Variants in STS observed in about 807,000 individuals in gnomAD.
STS encodes the protein steroid sulfatase.
Under a neutral mutation model 26.8 loss-of-function variants are expected in STS, and 7 were observed. That is an observed-to-expected ratio of 0.26 (90% confidence interval 0.15 to 0.49). The LOEUF (loss-of-function observed/expected upper bound fraction) is 0.49, where lower values mean the gene tolerates loss of function less well. Among genes scored for constraint, STS ranks in the 20% least tolerant of loss-of-function variants. The probability of loss-of-function intolerance (pLI) is 0.98; values close to 1 mark genes in which losing one functional copy is unlikely to be tolerated. For synonymous variants in STS, 199 were observed against 189.4 expected, an observed-to-expected ratio of 1.05 and a Z score of -0.42; for missense variants, 434 against 465.6, an observed-to-expected ratio of 0.93 and a Z score of 0.63.
intron 7 of STS, among the ~76,000 whole-genome samples, chrX:7,283,295 C>T (rs1373489238): frequency 9.0e-6 from 1 of 111,641 alleles, no homozygotes; most frequent in Non-Finnish European, 1.9e-5. Flanking sequence ...ACCAAAAGAA[C>T]AGCCAAAAAC....
intron 2 of STS, among the ~76,000 whole-genome samples, chrX:7,197,552 T>C (rs1300735860): frequency 8.9e-6 from 1 of 112,000 alleles, no homozygotes; most frequent in East Asian, 2.8e-4. Context: ...GATCATGGGG[T>C]GATGTGCTCT....
intron 10 of STS, among the ~76,000 whole-genome samples, chrX:7,335,289 T>C (rs1927961037): frequency 8.9e-6 from 1 of 112,564 alleles, no homozygotes; most frequent in Admixed American, 9.4e-5. Flanking sequence ...GACTTTTTAA[T>C]GATTGCCATT....
intron 1 of STS, among the ~76,000 whole-genome samples, chrX:7,156,853 C>T (rs1340856023): frequency 8.9e-6 from 1 of 111,959 alleles, no homozygotes; most frequent in Non-Finnish European, 1.9e-5. Context: ...ATGTAACACA[C>T]ATAGGAGGAA....
chrX:7,160,783 C>T (rs1933225071), intron 1 of STS, among the ~76,000 whole-genome samples: 1 of 111,415 alleles, frequency 9.0e-6, no homozygotes, highest in Non-Finnish European at 1.9e-5. Context: ...CACTCTTTTT[C>T]ATTTTAAATA....
In STS at chrX:7,353,729, G is replaced by C. The variant is rs978257891; in HGVS notation, c.*3468G>C. 1 of 111,352 alleles carries C rather than the reference G, an allele frequency of 9.0e-6. No individual in the cohort carries two copies. Among genetic ancestry groups the C allele is most frequent in the Non-Finnish European group, 1.9e-5 (1 of 53,105 alleles). 9.2% of individuals were successfully genotyped at this position (111,352 alleles called of 1,213,427 possible). A position where few individuals can be genotyped will look rare whatever the true frequency, so the allele number is the denominator to read the frequency against. ...GACTAGGATCGGCTCTCATTCGATCGAGCTATTCTCTTAAAATGACAAAAA... is the reference window on the plus strand; with the variant it reads ...GACTAGGATCGGCTCTCATTCGATCCAGCTATTCTCTTAAAATGACAAAAA... On this transcript the variant is annotated 3_prime_UTR_variant, in exon 11 of 11. Transcript: ENST00000674429.
intron 7 of STS, among the ~76,000 whole-genome samples, chrX:7,277,490 C>T (rs1194162839): frequency 3.6e-5 from 4 of 111,681 alleles, no homozygotes; most frequent in Non-Finnish European, 7.5e-5. Flanking sequence ...ATGAAAGGAG[C>T]ACCTTCTTAA....
chrX:7,254,253 G>A (rs1923288093), intron 3 of STS, among the ~76,000 whole-genome samples: 2 of 112,192 alleles, frequency 1.8e-5, no homozygotes. Flanking sequence ...GCAATCAAAC[G>A]AGACTCGAGG....
intron 8 of STS, among the ~76,000 whole-genome samples, chrX:7,306,510 G>A (rs2147141293): frequency 8.9e-6 from 1 of 111,922 alleles, no homozygotes; most frequent in East Asian, 2.8e-4. Context: ...GTCTTGCATT[G>A]GGCCAGACAC....
intron 1 of STS, among the ~76,000 whole-genome samples, chrX:7,177,449 T>C (rs1356701292): frequency 7.5e-5 from 8 of 106,897 alleles, no homozygotes; most frequent in South Asian, 7.8e-4. Context: ...TAATTTAAAA[T>C]ATATATATAT....
intron 2 of STS, among the ~76,000 whole-genome samples, chrX:7,211,918 TG>T (rs1921048338): frequency 9.6e-6 from 1 of 104,050 alleles, no homozygotes; most frequent in African/African-American, 4.3e-5. Flanking sequence ...AAAGCCAAAC[TG>T]GGACTGAATC....
chrX:7,207,172 T>A (rs1347984829), intron 2 of STS, among the ~76,000 whole-genome samples: 3 of 111,704 alleles, frequency 2.7e-5, no homozygotes, highest in Non-Finnish European at 5.6e-5. Context: ...CCTGGGCAAC[T>A]GAGTGGCACC....
intron 8 of STS, among the ~76,000 whole-genome samples, chrX:7,310,279 G>T (rs1229325643): frequency 8.9e-6 from 1 of 112,058 alleles, no homozygotes; most frequent in East Asian, 2.8e-4. Flanking sequence ...TGTTCACATT[G>T]CTTCTTTGGG....
In STS at chrX:7,232,358, A is replaced by C. The variant is rs112398416; in HGVS notation, c.-4-20838A>C. Among the ~76,000 whole-genome samples, 1,013 of 112,037 alleles carry C rather than the reference A, an allele frequency of 9.0e-3. 14 individuals carry two copies. Among genetic ancestry groups the C allele is most frequent in the African/African-American group, 0.031 (943 of 30,866 alleles). On this transcript the variant is annotated intron_variant, in intron 2 of 10. Transcript: ENST00000674429. ...CAGTGCATTAGCGTTAGCAAAAGGC[A>C]CTTATAGGACTTTATCCCCTTTATT...
rs955797106 is a variant in STS at position 7,287,318 on chromosome X, A to T, written c.943+11231A>T. On this transcript the variant is annotated intron_variant, in intron 7 of 10. Coordinates refer to ENST00000674429, the MANE Select transcript of STS (RefSeq NM_001320752.2). ...CACACTTTGTATAAATGTTTTTCTG[A>T]TTACCAAAGTAATCCGCAGTATGCA... 4.5e-5 allele frequency among the ~76,000 whole-genome samples: 5 copies of T among 111,513 alleles called. No homozygotes were observed. The Admixed American group carries it at 4.8e-4, about 11-fold the overall frequency.
In STS at chrX:7,169,272, G is replaced by A. The variant is rs183779272; in HGVS notation, c.-134+21189G>A. Among the ~76,000 whole-genome samples the A allele has an allele frequency of 2.6e-3, 288 of 111,917 alleles. 2 individuals are homozygous for A. The highest frequency in any genetic ancestry group is 0.025 in the Admixed American group (265 of 10,557). ...AAAACAGGGTCTCTGGGGGCTCAGTGCTCTCCAAGAGGAGGGATCTCTGAC... is the reference window on the plus strand; with the variant it reads ...AAAACAGGGTCTCTGGGGGCTCAGTACTCTCCAAGAGGAGGGATCTCTGAC... On this transcript the variant is annotated intron_variant, in intron 1 of 10. Transcript: ENST00000674429.
intron 2 of STS, among the ~76,000 whole-genome samples, chrX:7,231,919 C>G (rs1167866787): frequency 1.8e-5 from 2 of 108,476 alleles, no homozygotes; most frequent in Non-Finnish European, 3.8e-5. Flanking sequence ...AGTCGCCACT[C>G]ACCCATGACA....
At chrX:7,236,656 A>G (rs1259713678) in intron 2 of STS, among the ~76,000 whole-genome samples, 2 of 88,571 alleles carry the variant, frequency 2.3e-5, no homozygotes, top group Admixed American at 1.2e-4. Flanking sequence ...TTTAAAGCTA[A>G]CTTATTTATT....
intron 2 of STS, among the ~76,000 whole-genome samples, chrX:7,204,961 A>ACTAT (rs1934173546): frequency 1.8e-5 from 2 of 109,898 alleles, no homozygotes; most frequent in Admixed American, 9.8e-5. Context: ...CTCTGAGACC[A>ACTAT]TGGATAGTCA....
At chrX:7,290,246 A>G (rs1040594126) in intron 7 of STS, among the ~76,000 whole-genome samples, 6 of 111,487 alleles carry the variant, frequency 5.4e-5, no homozygotes, top group South Asian at 3.8e-4. Flanking sequence ...TACTGGCAGC[A>G]TTAAATTGGG....
Sources: allele counts gnomAD v4.1 joint callset (sites outside exome capture counted in the v4.1 genomes callset), GRCh38; gene constraint gnomAD v4.1.1; transcripts MANE v1.5; gene names NCBI Gene and HGNC (gene_info 2026-07-23, HGNC 2026-07-21).